The following UTS2 variants were observed in gnomAD, a reference collection of about 807,000 sequenced individuals.
UTS2 encodes the protein urotensin-2.
UTS2 carries 10 observed loss-of-function variants against 12.6 expected under a neutral mutation model. The observed-to-expected ratio is 0.80, with a 90% confidence interval of 0.49 to 1.35. UTS2 has a LOEUF of 1.35. Ranked by LOEUF, UTS2 falls within the 40% of genes most tolerant of loss-of-function variation. The probability of loss-of-function intolerance (pLI) is 0.00; values close to 1 mark genes in which losing one functional copy is unlikely to be tolerated. For missense variants in UTS2, 142 were observed against 143.2 expected, an observed-to-expected ratio of 0.99 and a Z score of 0.04; for synonymous variants, 52 against 50.0, an observed-to-expected ratio of 1.04 and a Z score of -0.17.
chr1:7,860,406 T>C, the UTS2 span, among the ~76,000 whole-genome samples: 1 of 151,936 alleles, frequency 6.6e-6, no homozygotes, highest in Non-Finnish European at 1.5e-5. Context: ...GCCCGTGTGG[T>C]TCAGTGTGAT....
chr1:7,865,046 G>A, the UTS2 span, among the ~76,000 whole-genome samples: 1 of 26,884 alleles, frequency 3.7e-5, no homozygotes, highest in African/African-American at 1.0e-4. Context: ...CTGTCTGTCC[G>A]ATACCATCAT....
rs2097411829 is a variant in UTS2 at position 7,849,633 on chromosome 1, C to CACTT, written c.258+3_258+6dup. ...TTTAAACCTAACTCATAAATAGAGT[C>CACTT]ACTTACCTTTCTCAAATTTCCTCTT... is the stretch of plus-strand genomic sequence containing the variant. On this transcript the variant is annotated splice_region_variant and intron_variant, in intron 3 of 3. Transcript: ENST00000361696. The CACTT allele has an allele frequency of 6.2e-7, 1 of 1,607,438 alleles. No individual in the cohort carries two copies. The highest frequency in any genetic ancestry group is 2.2e-5 in the East Asian group (1 of 44,614).
the UTS2 span, among the ~76,000 whole-genome samples, chr1:7,903,020 CT>C: frequency 2.9e-4 from 37 of 126,166 alleles, no homozygotes; most frequent in African/African-American, 1.3e-3. Context: ...TCTTCCCCTC[CT>C]TCCCCTCCTC....
chr1:7,887,020 G>T, the UTS2 span, among the ~76,000 whole-genome samples: 1 of 117,982 alleles, frequency 8.5e-6, no homozygotes, highest in Admixed American at 1.1e-4. Flanking sequence ...CAGCCTGGGC[G>T]ACAGGGCAAG....
the UTS2 span, among the ~76,000 whole-genome samples, chr1:7,876,085 T>G: frequency 6.6e-6 from 1 of 152,202 alleles, no homozygotes; most frequent in Non-Finnish European, 1.5e-5. Flanking sequence ...TCAGTGCCCA[T>G]GCACATTGTC....
chr1:7,872,326 GAAAAAAAAAGAAAAA>G, the UTS2 span, among the ~76,000 whole-genome samples: 1 of 97,800 alleles, frequency 1.0e-5, no homozygotes, highest in Non-Finnish European at 2.0e-5. Flanking sequence ...AAAAGGAAAA[GAAAAAAAAAGAAAAA>G]GAAAAAAAAG....
chr1:7,880,425 G>T, the UTS2 span, among the ~76,000 whole-genome samples: 5 of 148,968 alleles, frequency 3.4e-5, no homozygotes, highest in African/African-American at 1.2e-4. Context: ...GGGTGGGGAG[G>T]GGGGAGGGGG....
chr1:7,859,230 T>C, the UTS2 span, among the ~76,000 whole-genome samples: 3 of 152,178 alleles, frequency 2.0e-5, no homozygotes, highest in Non-Finnish European at 4.4e-5. Flanking sequence ...GGCTCTCAGA[T>C]AGACTTTTAA....
the UTS2 span, among the ~76,000 whole-genome samples, chr1:7,863,002 TG>T: frequency 5.6e-4 from 11 of 19,616 alleles, no homozygotes; most frequent in South Asian, 6.4e-3. Flanking sequence ...TGTATTGTAT[TG>T]TATTGTATTG....
intron 3 of UTS2, among the ~76,000 whole-genome samples, chr1:7,848,645 G>A (rs757217410): frequency 2.0e-5 from 3 of 151,612 alleles, no homozygotes; most frequent in African/African-American, 7.3e-5. Flanking sequence ...CCAGCCTCCC[G>A]AATAGCTGGG....
the UTS2 span, among the ~76,000 whole-genome samples, chr1:7,878,760 A>G: frequency 6.6e-6 from 1 of 152,180 alleles, no homozygotes; most frequent in Admixed American, 6.5e-5. Context: ...ATCCAACTGC[A>G]TGATGCCTAC....
chr1:7,891,456 G>A, the UTS2 span, among the ~76,000 whole-genome samples: 1 of 151,708 alleles, frequency 6.6e-6, no homozygotes, highest in Non-Finnish European at 1.5e-5. Context: ...AACCGGGGAG[G>A]CTGAGGCTAC....
At chr1:7,849,815 T>C (rs2097412044) in intron 2 of UTS2, 132 bp from the exon 3 acceptor site, 2 of 736,034 alleles carry the variant, frequency 2.7e-6, no homozygotes, top group Admixed American at 6.6e-5. Context: ...CAAGCTTTTC[T>C]TGAATGCAGA....
the UTS2 span, among the ~76,000 whole-genome samples, chr1:7,894,575 T>A: frequency 1.3e-5 from 2 of 152,170 alleles, no homozygotes; most frequent in East Asian, 3.8e-4. Context: ...TGTGAGCCAC[T>A]GCCCAACCCC....
At chr1:7,862,853 G>C in the UTS2 span, among the ~76,000 whole-genome samples, 1 of 152,120 alleles carries the variant, frequency 6.6e-6, no homozygotes, top group African/African-American at 2.4e-5. Context: ...TGCACTGGCT[G>C]TTCCCTCTGC....
chr1:7,911,703 A>C, the UTS2 span, among the ~76,000 whole-genome samples: 1 of 152,132 alleles, frequency 6.6e-6, no homozygotes, highest in Non-Finnish European at 1.5e-5. Flanking sequence ...GGAGTTCGAG[A>C]CCAGCCTGGC....
chr1:7,854,342 TAA>T (rs71567319), upstream of UTS2, among the ~76,000 whole-genome samples: 40 of 121,636 alleles, frequency 3.3e-4, no homozygotes, highest in Admixed American at 4.9e-4. Context: ...AGACTCTGTC[TAA>T]AAAAAAAAAA....
the UTS2 span, among the ~76,000 whole-genome samples, chr1:7,871,338 G>A: frequency 5.0e-5 from 7 of 141,186 alleles, no homozygotes; most frequent in African/African-American, 1.7e-4. Flanking sequence ...GTAACACAAC[G>A]TGCTCTCTCT....
chr1:7,850,865 T>C lies in UTS2; in HGVS notation c.161A>G (p.Gln54Arg), dbSNP rs1376989062. The stretch of plus-strand genomic sequence containing the variant: ...TGCACCCAGCATCTCTGGCAGTATC[T>C]GTAGAAGGGAAGCTCTTTCTAGCTC... Reference protein sequence around the residue: ...PEELERASLLQILPEMLGAER... With the variant: ...PEELERASLLRILPEMLGAER... The change falls in exon 2 of 4, where the codon CAG (glutamine) becomes CGG (arginine). Residue 54 changes from glutamine (Q) to arginine (R), a missense_variant. Transcript: ENST00000361696. 1 of 1,614,078 alleles carries C rather than the reference T, an allele frequency of 6.2e-7. No homozygotes were observed. Among genetic ancestry groups the C allele is most frequent in the Non-Finnish European group, 8.5e-7 (1 of 1,180,040 alleles).
Sources: allele counts gnomAD v4.1 joint callset (sites outside exome capture counted in the v4.1 genomes callset), GRCh38; gene constraint gnomAD v4.1.1; transcripts MANE v1.5; gene names NCBI Gene and HGNC (gene_info 2026-07-23, HGNC 2026-07-21).